TNPO1: variants seen among roughly 807,000 people sequenced by gnomAD.
The protein encoded by TNPO1 is transportin-1.
A neutral mutation model predicts 119.5 loss-of-function variants in TNPO1; 8 were observed. The ratio of observed to expected loss-of-function variants is 0.07; its 90% CI spans 0.04 to 0.12. TNPO1 has a LOEUF of 0.12. TNPO1 is among the 10% of genes least tolerant of loss of function. The pLI is 1.00. For missense variants in TNPO1, 576 were observed against 1,089.8 expected, an observed-to-expected ratio of 0.53 and a Z score of 6.64; for synonymous variants, 362 against 363.0, an observed-to-expected ratio of 1.00 and a Z score of 0.03.
intron 1 of TNPO1, among the ~76,000 whole-genome samples, chr5:72,833,491 G>A (rs1312437147): frequency 6.6e-6 from 1 of 152,114 alleles, no homozygotes; most frequent in East Asian, 1.9e-4. Flanking sequence ...AAGCTTAGAT[G>A]CTATGATTGC....
intron 7 of TNPO1, 123 bp downstream of exon 7, chr5:72,872,843 T>G (rs1446238863): frequency 1.9e-6 from 1 of 529,592 alleles, no homozygotes; most frequent in African/African-American, 2.0e-5. Flanking sequence ...AAACTCAATA[T>G]TTAATTAAAT....
chr5:72,834,132 T>C (rs777932893), intron 1 of TNPO1, among the ~76,000 whole-genome samples: 1 of 152,212 alleles, frequency 6.6e-6, no homozygotes, highest in Non-Finnish European at 1.5e-5. Context: ...CACTCATATG[T>C]CTGCGGTGGC....
At chr5:72,867,150 G>A (rs1561325551) in intron 6 of TNPO1, among the ~76,000 whole-genome samples, 1 of 141,650 alleles carries the variant, frequency 7.1e-6, no homozygotes, top group Non-Finnish European at 1.5e-5. Flanking sequence ...TAGCCTGAGT[G>A]ATGGAATAAG....
chr5:72,888,365 T>C lies in TNPO1; in HGVS notation c.1529+62T>C, dbSNP rs142719901. 733 of 1,408,444 alleles carry C rather than the reference T, an allele frequency of 5.2e-4. 4 individuals carry two copies. The highest frequency in any genetic ancestry group is 2.2e-4 in the Non-Finnish European group (226 of 1,005,698). The allele number at this position is 1,408,444 out of a possible 1,614,324, so 87.2% of individuals were successfully genotyped here. ...GTGAAAAACTTAATTTTCAACCTTCTGATGGAGTGTTGGTGTTAAACCTAT... is the reference window on the plus strand; with the variant it reads ...GTGAAAAACTTAATTTTCAACCTTCCGATGGAGTGTTGGTGTTAAACCTAT... On this transcript the variant is annotated intron_variant, in intron 13 of 24. Transcript: ENST00000337273.
intron 22 of TNPO1, among the ~76,000 whole-genome samples, chr5:72,901,997 C>T (rs1217264865): frequency 6.6e-6 from 1 of 151,790 alleles, no homozygotes; most frequent in African/African-American, 2.4e-5. Flanking sequence ...ATTGCTTGAA[C>T]CCGGGAGGCA....
chr5:72,827,227 G>A (rs146216662), intron 1 of TNPO1, among the ~76,000 whole-genome samples: 345 of 152,236 alleles, frequency 2.3e-3, no homozygotes, highest in Middle Eastern at 0.01. Flanking sequence ...GTGAAAAAGG[G>A]GACAGAGACT....
chr5:72,862,957 G>A (rs912860378), intron 5 of TNPO1, among the ~76,000 whole-genome samples: 7 of 149,842 alleles, frequency 4.7e-5, no homozygotes, highest in African/African-American at 1.2e-4. Context: ...CATTGTCTTC[G>A]TTGTAATCAT....
rs558018237 is a variant in TNPO1, at chr5:72,884,463, G to T, written c.1150+1231G>T. ...TTTGCATGAAAATTGGCTATCATAG[G>T]TAATTCTAAAATAATATAAGTTGCT... On this transcript the variant is annotated intron_variant, in intron 11 of 24. Transcript: ENST00000337273. Among the ~76,000 whole-genome samples, 3 of 152,184 alleles carry T rather than the reference G, an allele frequency of 2.0e-5. No individual in the cohort carries two copies. In the East Asian group the frequency reaches 5.8e-4, roughly 29 times the overall value.
intron 1 of TNPO1, among the ~76,000 whole-genome samples, chr5:72,847,893 C>G (rs1745205064): frequency 1.3e-5 from 2 of 152,214 alleles, no homozygotes; most frequent in Non-Finnish European, 2.9e-5. Flanking sequence ...TACCCTATTT[C>G]AATCATTTTT....
intron 1 of TNPO1, among the ~76,000 whole-genome samples, chr5:72,833,552 G>A (rs1744569239): frequency 6.6e-6 from 1 of 152,076 alleles, no homozygotes; most frequent in Admixed American, 6.5e-5. Flanking sequence ...GTGGGCTGAG[G>A]GGAATGAATG....
At chr5:72,905,173 G>T in intron 23 of TNPO1, 130 bp from the exon 24 acceptor site, 1 of 675,878 alleles carries the variant, frequency 1.5e-6, no homozygotes. Context: ...AGAATCCTAC[G>T]AAGTTTGAGA....
chr5:72,833,318 T>A (rs1744560030), intron 1 of TNPO1, among the ~76,000 whole-genome samples: 1 of 152,202 alleles, frequency 6.6e-6, no homozygotes, highest in Non-Finnish European at 1.5e-5. Flanking sequence ...TTTGAATGTT[T>A]TAGGGAGTTC....
chr5:72,838,603 C>T (rs1561298519), intron 1 of TNPO1, among the ~76,000 whole-genome samples: 1 of 152,142 alleles, frequency 6.6e-6, no homozygotes, highest in Non-Finnish European at 1.5e-5. Flanking sequence ...CATATTTTGT[C>T]ATTCAGTGCC....
At chr5:72,870,328 A>C (rs1322652646) in intron 6 of TNPO1, among the ~76,000 whole-genome samples, 2 of 146,918 alleles carry the variant, frequency 1.4e-5, no homozygotes. Context: ...ACTCCCAGCT[A>C]ATTTTTTATT....
chr5:72,897,578 A>G (rs1231798544), intron 20 of TNPO1, among the ~76,000 whole-genome samples: 1 of 150,822 alleles, frequency 6.6e-6, no homozygotes, highest in Non-Finnish European at 1.5e-5. Flanking sequence ...TTCATCATAT[A>G]ATTTTCTTCG....
chr5:72,900,098 C>CTT lies in TNPO1; in HGVS notation c.2414+25_2414+26dup. 6.3e-7 allele frequency: 1 copy of CTT among 1,578,716 alleles called. No homozygotes were observed. Among genetic ancestry groups the CTT allele is most frequent in the South Asian group, 1.1e-5 (1 of 87,356 alleles). On this transcript the variant is annotated intron_variant, in intron 21 of 24. Transcript: ENST00000337273. ...AAGACCCTGGTGTGTATTATTCAAT[C>CTT]TTTTTTTTTAATTCATTTTTCTTCA... is the stretch of plus-strand genomic sequence containing the variant.
intron 1 of TNPO1, among the ~76,000 whole-genome samples, chr5:72,823,586 A>G (rs1010486008): frequency 1.6e-4 from 24 of 152,160 alleles, no homozygotes; most frequent in African/African-American, 5.8e-4. Context: ...TGATCCTATT[A>G]CTGCTCCCCT....
At chr5:72,848,328 C>T (rs1745243712) in intron 1 of TNPO1, 57 bp from the exon 2 acceptor site, 12 of 1,537,356 alleles carry the variant, frequency 7.8e-6, no homozygotes, top group African/African-American at 1.4e-5. Context: ...GCCTCTGGGC[C>T]TGTGCACCGG....
At chr5:72,855,184 C>A (rs183015716) in intron 3 of TNPO1, among the ~76,000 whole-genome samples, 5 of 151,634 alleles carry the variant, frequency 3.3e-5, no homozygotes, top group Non-Finnish European at 5.9e-5. Flanking sequence ...TTAGTAGATA[C>A]GGGGTTTCAC....
Sources: gnomAD v4.1 joint callset for allele counts (sites outside exome capture counted in the v4.1 genomes callset) on GRCh38, gnomAD v4.1.1 for gene constraint, MANE v1.5 for transcripts, NCBI Gene and HGNC (gene_info 2026-07-23, HGNC 2026-07-21) for gene names.